INPP1: variants seen among roughly 807,000 people sequenced by gnomAD.
INPP1 encodes inositol polyphosphate 1-phosphatase.
In INPP1, 18 loss-of-function variants were observed where a neutral mutation model predicts 23.0. That is an observed-to-expected ratio of 0.78 (90% CI 0.54 to 1.16). The LOEUF is 1.16. Among genes scored for constraint, INPP1 ranks in the 50% most tolerant of loss-of-function variants. The pLI, the probability that INPP1 is intolerant of heterozygous loss-of-function variation, is 0.00. For missense variants in INPP1, 448 were observed against 482.1 expected (o/e 0.93, Z 0.66); for synonymous variants, 164 against 176.3 (o/e 0.93, Z 0.55).
At chr2:190,362,585 T>C (rs1434244616) in intron 3 of INPP1, 42 bp from the exon 4 acceptor site, 1 of 1,261,810 alleles carries the variant, frequency 7.9e-7, no homozygotes, top group East Asian at 2.4e-5. Flanking sequence ...AGCATATGTG[T>C]GGGTTTTTGT....
intron 2 of INPP1, among the ~76,000 whole-genome samples, chr2:190,358,729 A>G (rs2124928532): frequency 6.6e-6 from 1 of 152,296 alleles, no homozygotes; most frequent in South Asian, 2.1e-4. Context: ...TTCCAGTAAG[A>G]GGTAGCTATT....
In INPP1 at chr2:190,352,323, C is replaced by A. The variant is rs553872739; in HGVS notation, c.-65+3292C>A. Reference sequence around the variant, plus strand: ...ATGAGGTAATGACAGCAACATCACCCGGATCAACATGAAATAAGACCCAGG... The same window carrying A: ...ATGAGGTAATGACAGCAACATCACCAGGATCAACATGAAATAAGACCCAGG... On this transcript the variant is annotated intron_variant, in intron 2 of 6. Transcript: ENST00000392329. This position sits in a 1 kb window ranked among gnomAD's most constrained non-coding sequence, Gnocchi z 4.7. Among the ~76,000 whole-genome samples the A allele has an allele frequency of 8.5e-5, 13 of 152,200 alleles. No homozygotes were observed. Among genetic ancestry groups the A allele is most frequent in the African/African-American group, 2.6e-4 (11 of 41,518 alleles).
In INPP1 at chr2:190,346,799, C is replaced by T. The variant is rs1479593701; in HGVS notation, c.-208-2089C>T. The stretch of plus-strand genomic sequence containing the variant: ...ATTTTTAAAATTGTAGAGATGGGGT[C>T]CCACTATGTTGCCCAGGTTGGTCTC... On this transcript the variant is annotated intron_variant, in intron 1 of 6. Transcript: ENST00000392329. This position sits in a 1 kb window ranked among gnomAD's most constrained non-coding sequence, Gnocchi z 5.1. 6.6e-6 allele frequency among the ~76,000 whole-genome samples: 1 copy of T among 151,382 alleles called. No homozygotes were observed. Among genetic ancestry groups the T allele is most frequent in the East Asian group, 2.0e-4 (1 of 5,124 alleles).
At chr2:190,351,601 G>GCATC (rs1352211797) in intron 2 of INPP1, among the ~76,000 whole-genome samples, 1 of 152,168 alleles carries the variant, frequency 6.6e-6, no homozygotes, top group Admixed American at 6.5e-5. Context: ...TCACTTGACA[G>GCATC]CATGTTTTTG....
rs1310464029 is a variant in INPP1 at position 190,368,624 on chromosome 2, A to G, written c.467-479A>G. ...GCATTTATCCTTTGAGTAATAAACA[A>G]TCTAGTTACACTCTTTATTTTAAAA... is the stretch of plus-strand genomic sequence containing the variant. On this transcript the variant is annotated intron_variant, in intron 5 of 6. Transcript: ENST00000392329. This position sits in a 1 kb window ranked among gnomAD's most constrained non-coding sequence, Gnocchi z 4.3. The G allele has an allele frequency of 6.6e-6, 1 of 152,262 alleles. No homozygotes were observed. The allele number at this position is 152,262 out of a possible 1,614,324, so 9.4% of individuals were successfully genotyped here.
chr2:190,355,291 C>T lies in INPP1; in HGVS notation c.-64-4748C>T, dbSNP rs1178312339. Among the ~76,000 whole-genome samples, 1 of 152,136 alleles carries T rather than the reference C, an allele frequency of 6.6e-6. No homozygotes were observed. The highest frequency in any genetic ancestry group is 1.5e-5 in the Non-Finnish European group (1 of 68,020). ...AAGGATGCCTGGCATATAGTAAGCACCTAGTAAATGTTAGCTGTTTCAATT... is the reference window on the plus strand; with the variant it reads ...AAGGATGCCTGGCATATAGTAAGCATCTAGTAAATGTTAGCTGTTTCAATT... On this transcript the variant is annotated intron_variant, in intron 2 of 6. Transcript: ENST00000392329. This position sits in a 1 kb window ranked among gnomAD's most constrained non-coding sequence, Gnocchi z 5.1.
rs1530225 is a variant in INPP1, at chr2:190,367,655, A to G, written c.466+760A>G. ...CAGCCTTGTCCTCCTGAGCTCAAGC[A>G]ATCCTCCTATCTCAGCTTCCCAAGT... is the stretch of plus-strand genomic sequence containing the variant. On this transcript the variant is annotated intron_variant, in intron 5 of 6. Coordinates refer to ENST00000392329, the MANE Select transcript of INPP1 (RefSeq NM_001128928.2). The surrounding 1 kb of genome is among the most constrained non-coding windows in gnomAD (Gnocchi z 4.1). 0.65 allele frequency among the ~76,000 whole-genome samples: 99,300 copies of G among 152,126 alleles called. 33,370 individuals are homozygous for G. Among genetic ancestry groups the G allele is most frequent in the African/African-American group, 0.78 (32,410 of 41,476 alleles).
intron 4 of INPP1, among the ~76,000 whole-genome samples, 177 bp from the exon 5 acceptor site, chr2:190,366,514 TCTCA>T (rs1169494376): frequency 1.3e-5 from 2 of 151,902 alleles, no homozygotes; most frequent in Non-Finnish European, 2.9e-5. Flanking sequence ...TGTGTCTCTC[TCTCA>T]CTCTCTTGCT....
rs1689509340 is a variant in INPP1, at chr2:190,360,227, A to C, written c.125A>C (p.Asn42Thr). Residue 42 changes from asparagine (N) to threonine (T), a missense_variant, in exon 3 of 7, where the codon AAC becomes ACC. Transcript: ENST00000392329. ...GAAGAAAAGAAAGAGGGAGAAAAGAACAAGAAGTTTGCAGTTGACTTCAAG... is the reference window on the plus strand; with the variant it reads ...GAAGAAAAGAAAGAGGGAGAAAAGACCAAGAAGTTTGCAGTTGACTTCAAG... ...LIEEKKEGEK[N>T]KKFAVDFKTL... 1.9e-6 allele frequency: 3 copies of C among 1,614,220 alleles called. No homozygotes were observed. Among genetic ancestry groups the C allele is most frequent in the Non-Finnish European group, 2.5e-6 (3 of 1,180,038 alleles).
At position 190,367,999 on chromosome 2, in the gene INPP1, C is replaced by G. The variant is rs1050536337; in HGVS notation, c.466+1104C>G. Among the ~76,000 whole-genome samples, 1 of 152,140 alleles carries G rather than the reference C, an allele frequency of 6.6e-6. No homozygotes were observed. The highest frequency in any genetic ancestry group is 6.5e-5 in the Admixed American group (1 of 15,278). ...AGGACCAGGCAAACTCCTCTCTGGG[C>G]CCTTCCCATCCTACAAGTGCATTCA... On this transcript the variant is annotated intron_variant, in intron 5 of 6. Coordinates refer to ENST00000392329, the MANE Select transcript of INPP1 (RefSeq NM_001128928.2). The surrounding 1 kb of genome is among the most constrained non-coding windows in gnomAD (Gnocchi z 4.1).
At chr2:190,349,236 G>C (rs1689281162) in intron 2 of INPP1, among the ~76,000 whole-genome samples, 1 of 152,176 alleles carries the variant, frequency 6.6e-6, no homozygotes, top group African/African-American at 2.4e-5. Flanking sequence ...TCAGGAGTTT[G>C]AGACCAGCCT....
intron 5 of INPP1, 41 bp from the exon 6 acceptor site, chr2:190,369,062 G>T: frequency 7.7e-7 from 1 of 1,306,056 alleles, no homozygotes; most frequent in Non-Finnish European, 1.1e-6. Flanking sequence ...TCTTCTAAAT[G>T]ATCTTTACCT....
At chr2:190,362,368 A>G (rs1689551421) in intron 3 of INPP1, among the ~76,000 whole-genome samples, 1 of 152,198 alleles carries the variant, frequency 6.6e-6, no homozygotes, top group African/African-American at 2.4e-5. Context: ...TGCAAACTAA[A>G]CAGGACATAA....
intron 1 of INPP1, among the ~76,000 whole-genome samples, chr2:190,347,422 A>T (rs1689240538): frequency 6.6e-6 from 1 of 152,164 alleles, no homozygotes; most frequent in Non-Finnish European, 1.5e-5. Context: ...AAAGAAATAG[A>T]ATATTAAATA....
intron 4 of INPP1, among the ~76,000 whole-genome samples, chr2:190,364,110 A>C (rs1689588934): frequency 6.6e-6 from 1 of 152,220 alleles, no homozygotes; most frequent in Non-Finnish European, 1.5e-5. Flanking sequence ...CAACTTTAAC[A>C]GTCTAATTTA....
At chr2:190,357,022 C>G (rs191822949) in intron 2 of INPP1, among the ~76,000 whole-genome samples, 8 of 152,256 alleles carry the variant, frequency 5.3e-5, no homozygotes, top group Admixed American at 1.3e-4. Context: ...ATTTCTAAGG[C>G]AACGTGCCGC....
rs370712958 is a variant in INPP1 at position 190,361,826 on chromosome 2, T to G, written c.205-801T>G. Among the ~76,000 whole-genome samples the G allele has an allele frequency of 2.6e-5, 4 of 152,210 alleles. No homozygotes were observed. In the South Asian group the frequency reaches 8.3e-4, roughly 31 times the overall value. ...ACAAAATAATATGAATAATAAGTGTTGTGGGCATTATTAAAGCTATTGGTC... is the reference window on the plus strand; with the variant it reads ...ACAAAATAATATGAATAATAAGTGTGGTGGGCATTATTAAAGCTATTGGTC... On this transcript the variant is annotated intron_variant, in intron 3 of 6. Transcript: ENST00000392329.
At chr2:190,366,595 C>G (rs1689680528) in intron 4 of INPP1, 100 bp from the exon 5 acceptor site, 1 of 855,188 alleles carries the variant, frequency 1.2e-6, no homozygotes, top group East Asian at 2.4e-5. Context: ...GTCTCTCTCT[C>G]TCGCTCTCTC....
chr2:190,345,829 A>G lies in INPP1; in HGVS notation c.-209+1868A>G, dbSNP rs1014071774. ...GCCAACATGGTGAAACCCCGTCTCT[A>G]GTAAAAATACAAAAATTAGCCAGGC... is the stretch of plus-strand genomic sequence containing the variant. On this transcript the variant is annotated intron_variant, in intron 1 of 6. Transcript: ENST00000392329. The surrounding 1 kb of genome is among the most constrained non-coding windows in gnomAD (Gnocchi z 4.9). Among the ~76,000 whole-genome samples the G allele has an allele frequency of 2.0e-5, 3 of 152,140 alleles. No individual in the cohort carries two copies. Among genetic ancestry groups the G allele is most frequent in the Admixed American group, 6.5e-5 (1 of 15,276 alleles).
Sources: allele counts gnomAD v4.1 joint callset (sites outside exome capture counted in the v4.1 genomes callset), GRCh38; gene constraint gnomAD v4.1.1; non-coding constraint Gnocchi (gnomAD v3.1); transcripts MANE v1.5; gene names NCBI Gene and HGNC (gene_info 2026-07-23, HGNC 2026-07-21).